The following NEMP2 variants were observed in gnomAD, a reference collection of about 807,000 sequenced individuals.
NEMP2 encodes the protein UPF0571 transmembrane protein.
NEMP2 carries 53 observed loss-of-function variants against 54.2 expected under a neutral mutation model. The ratio of observed to expected loss-of-function variants is 0.98; its 90% CI spans 0.78 to 1.23. The LOEUF (loss-of-function observed/expected upper bound fraction) is 1.23. Ranked by LOEUF, NEMP2 falls within the 50% of genes most tolerant of loss-of-function variation. The pLI is 0.00. For missense variants in NEMP2, 455 were observed against 511.3 expected (o/e 0.89, Z 1.06); for synonymous variants, 197 against 190.3 (o/e 1.04, Z -0.29).
chr2:190,441,684 C>A, the NEMP2 span, among the ~76,000 whole-genome samples: 2 of 152,036 alleles, frequency 1.3e-5, no homozygotes, highest in African/African-American at 4.8e-5. Flanking sequence ...TAGCTTTCTC[C>A]ACGTGGGTAC....
At chr2:190,632,741 A>AG in the NEMP2 span, among the ~76,000 whole-genome samples, 128 of 152,290 alleles carry the variant, frequency 8.4e-4, 1 homozygote, top group African/African-American at 2.8e-3. The surrounding 1 kb of genome is among the most constrained non-coding windows in gnomAD (Gnocchi z 4.8). Flanking sequence ...TCCATAACTA[A>AG]GGGGGGCAAC....
chr2:190,441,371 T>C, the NEMP2 span, among the ~76,000 whole-genome samples: 99 of 152,022 alleles, frequency 6.5e-4, no homozygotes, highest in African/African-American at 2.2e-3. Context: ...TACCGAGGCA[T>C]TCAACGTTTT....
the NEMP2 span, chr2:190,464,959 A>C: frequency 7.3e-6 from 7 of 962,346 alleles, 1 homozygote; most frequent in Non-Finnish European, 6.2e-6. Context: ...TAAATTTAGA[A>C]AAGTAGGGTC....
chr2:190,496,949 T>C, the NEMP2 span, among the ~76,000 whole-genome samples: 125 of 152,244 alleles, frequency 8.2e-4, 1 homozygote, highest in African/African-American at 2.8e-3. The surrounding 1 kb of genome is among the most constrained non-coding windows in gnomAD (Gnocchi z 4.7). Flanking sequence ...AGACTACAAA[T>C]TGGGTTCATT....
chr2:190,552,863 C>G, the NEMP2 span, among the ~76,000 whole-genome samples: 6 of 152,138 alleles, frequency 3.9e-5, no homozygotes, highest in South Asian at 6.2e-4. Context: ...GTTATAAAAT[C>G]CTCTAAGAAT....
At chr2:190,431,495 G>A in the NEMP2 span, among the ~76,000 whole-genome samples, 2 of 152,222 alleles carry the variant, frequency 1.3e-5, no homozygotes, top group Non-Finnish European at 2.9e-5. The surrounding 1 kb of genome is among the most constrained non-coding windows in gnomAD (Gnocchi z 4.4). Context: ...TCGCGATTAG[G>A]AGCTGGAGAC....
chr2:190,497,415 G>A, the NEMP2 span: 17 of 1,603,616 alleles, frequency 1.1e-5, no homozygotes, highest in Non-Finnish European at 1.4e-5. This position sits in a 1 kb window ranked among gnomAD's most constrained non-coding sequence, Gnocchi z 5.2. Flanking sequence ...TGAAAAAATA[G>A]TTTAAACATT....
chr2:190,535,190 G>A (rs1450405786), upstream of NEMP2: 1 of 152,300 alleles, frequency 6.6e-6, no homozygotes, highest in Non-Finnish European at 1.5e-5. Flanking sequence ...ATACATAAAA[G>A]CCAGTTTCTT....
chr2:190,451,196 C>T, the NEMP2 span, among the ~76,000 whole-genome samples: 2 of 152,156 alleles, frequency 1.3e-5, no homozygotes, highest in African/African-American at 2.4e-5. The surrounding 1 kb of genome is among the most constrained non-coding windows in gnomAD (Gnocchi z 5.0). Flanking sequence ...AGATTCAAAT[C>T]CCACACTTAG....
the NEMP2 span, among the ~76,000 whole-genome samples, chr2:190,614,348 T>C: frequency 3.3e-5 from 5 of 152,184 alleles, no homozygotes; most frequent in Non-Finnish European, 7.3e-5. This position sits in a 1 kb window ranked among gnomAD's most constrained non-coding sequence, Gnocchi z 5.7. Flanking sequence ...GCTTCTGTTG[T>C]AATAGCTATT....
chr2:190,540,701 G>T, the NEMP2 span, among the ~76,000 whole-genome samples: 2 of 152,182 alleles, frequency 1.3e-5, no homozygotes, highest in Non-Finnish European at 2.9e-5. Flanking sequence ...ATTTTTGTGT[G>T]TGGGTCCTTA....
chr2:190,455,732 G>A, the NEMP2 span, among the ~76,000 whole-genome samples: 1 of 151,848 alleles, frequency 6.6e-6, no homozygotes, highest in Non-Finnish European at 1.5e-5. Context: ...TCGTGCGGAG[G>A]TCTCAGAGAT....
chr2:190,567,491 G>A, the NEMP2 span, among the ~76,000 whole-genome samples: 20 of 152,016 alleles, frequency 1.3e-4, no homozygotes, highest in African/African-American at 4.3e-4. This position sits in a 1 kb window ranked among gnomAD's most constrained non-coding sequence, Gnocchi z 4.0. Context: ...CAGACCATTG[G>A]GAATAATGAG....
chr2:190,600,735 C>T, the NEMP2 span, among the ~76,000 whole-genome samples: 1 of 152,260 alleles, frequency 6.6e-6, no homozygotes, highest in East Asian at 1.9e-4. This position sits in a 1 kb window ranked among gnomAD's most constrained non-coding sequence, Gnocchi z 4.9. Flanking sequence ...GATGCCCAGT[C>T]TTGAACCTTC....
the NEMP2 span, among the ~76,000 whole-genome samples, chr2:190,475,668 A>G: frequency 1.3e-5 from 2 of 152,230 alleles, no homozygotes; most frequent in Non-Finnish European, 2.9e-5. Context: ...TGCCATCCCC[A>G]TGAAGCTACC....
the NEMP2 span, chr2:190,648,236 T>C: frequency 3.3e-5 from 5 of 152,252 alleles, no homozygotes; most frequent in Non-Finnish European, 1.5e-5. Context: ...AGCGCGACAG[T>C]TGTCAAAGCT....
intron 1 of NEMP2, among the ~76,000 whole-genome samples, chr2:190,532,961 T>C (rs1574321348): frequency 6.6e-6 from 1 of 152,248 alleles, no homozygotes; most frequent in Non-Finnish European, 1.5e-5. Context: ...GCATCCTGCA[T>C]GTCTCAGGCA....
chr2:190,432,838 A>T, the NEMP2 span, among the ~76,000 whole-genome samples: 5 of 128,180 alleles, frequency 3.9e-5, no homozygotes, highest in Non-Finnish European at 8.1e-5. Flanking sequence ...CAACACACAC[A>T]CACTCTCTCT....
At chr2:190,430,929 G>A in the NEMP2 span, among the ~76,000 whole-genome samples, 4 of 146,956 alleles carry the variant, frequency 2.7e-5, no homozygotes, top group South Asian at 2.2e-4. Flanking sequence ...CCGGGCGGAG[G>A]GGCTCCTCAC....
Sources: gnomAD v4.1 joint callset for allele counts (sites outside exome capture counted in the v4.1 genomes callset) on GRCh38, gnomAD v4.1.1 for gene constraint, Gnocchi (gnomAD v3.1) non-coding constraint, MANE v1.5 for transcripts, NCBI Gene and HGNC (gene_info 2026-07-23, HGNC 2026-07-21) for gene names.